Variants in REPS1 observed in about 807,000 individuals in gnomAD.
The protein encoded by REPS1 is ralBP1-associated Eps domain-containing protein 1.
A neutral mutation model predicts 100.9 loss-of-function variants in REPS1; 39 were observed. The observed-to-expected ratio is 0.39, with a 90% CI of 0.30 to 0.50. The LOEUF (loss-of-function observed/expected upper bound fraction) is 0.50. REPS1 is among the 20% of genes least tolerant of loss of function. The pLI is 0.86. For synonymous variants in REPS1, 324 were observed against 340.3 expected (o/e 0.95, Z 0.53); for missense variants, 821 against 968.5 (o/e 0.85, Z 2.02).
chr6:138,941,043 A>G (rs1782216110), intron 8 of REPS1, among the ~76,000 whole-genome samples: 1 of 152,216 alleles, frequency 6.6e-6, no homozygotes, highest in Non-Finnish European at 1.5e-5. Flanking sequence ...ATATATCACA[A>G]TTAAAGGATG....
At chr6:138,966,686 T>G (rs1784044256) in intron 1 of REPS1, among the ~76,000 whole-genome samples, 1 of 152,164 alleles carries the variant, frequency 6.6e-6, no homozygotes, top group Non-Finnish European at 1.5e-5. Context: ...TTATAACAGT[T>G]TTAGTATGTT....
chr6:138,940,544 A>G (rs1247872562), intron 8 of REPS1, among the ~76,000 whole-genome samples: 1 of 152,158 alleles, frequency 6.6e-6, no homozygotes, highest in Non-Finnish European at 1.5e-5. Context: ...CAAGAGATAG[A>G]GACCATCCTG....
intron 15 of REPS1, among the ~76,000 whole-genome samples, chr6:138,914,157 T>G (rs556062768): frequency 9.9e-4 from 151 of 152,158 alleles, no homozygotes; most frequent in African/African-American, 3.3e-3. Flanking sequence ...GCAGCCTTGA[T>G]CTCCCAGGCT....
At chr6:138,984,379 G>A (rs575571083) in intron 1 of REPS1, among the ~76,000 whole-genome samples, 4 of 152,128 alleles carry the variant, frequency 2.6e-5, no homozygotes, top group South Asian at 2.1e-4. Context: ...CACTGTGCCC[G>A]GCCCATATCT....
chr6:138,952,375 A>G (rs973215548), intron 1 of REPS1, among the ~76,000 whole-genome samples: 4 of 151,958 alleles, frequency 2.6e-5, no homozygotes, highest in Non-Finnish European at 5.9e-5. Context: ...AAACCAATAT[A>G]CAAAAATCAG....
intron 8 of REPS1, among the ~76,000 whole-genome samples, chr6:138,939,965 A>T (rs1258149236): frequency 1.3e-5 from 2 of 152,234 alleles, no homozygotes; most frequent in African/African-American, 4.8e-5. Context: ...ATAAAAGGTC[A>T]GTGTACAATT....
intron 2 of REPS1, among the ~76,000 whole-genome samples, chr6:138,946,356 G>C (rs1476018358): frequency 1.3e-5 from 2 of 152,160 alleles, no homozygotes; most frequent in Non-Finnish European, 2.9e-5. Context: ...AAATAGAGGA[G>C]AAAGATGAAG....
At chr6:138,909,059 A>T in intron 17 of REPS1, 1 of 470,792 alleles carries the variant, frequency 2.1e-6, no homozygotes, top group Non-Finnish European at 3.8e-6. Flanking sequence ...CAACATACTG[A>T]TGCAAGACTG....
rs111897871 is a variant in REPS1, at chr6:138,917,860, C to T, written c.1529-233G>A. ...TATAGTCTAGAAAAAATAATGAATA[C>T]TTAATGATGCAGAAATATTCAAAAT... On this transcript the variant is annotated intron_variant, in intron 12 of 19. Transcript: ENST00000450536. 3.1e-3 allele frequency among the ~76,000 whole-genome samples: 465 copies of T among 152,230 alleles called. 2 individuals carry two copies. Among genetic ancestry groups the T allele is most frequent in the African/African-American group, 0.011 (439 of 41,550 alleles).
At chr6:138,914,815 T>G in intron 14 of REPS1, 54 bp from the exon 15 acceptor site, 1 of 1,390,894 alleles carries the variant, frequency 7.2e-7, no homozygotes, top group Non-Finnish European at 1.0e-6. Context: ...ACTTTGTTAA[T>G]AGAAGAAATA....
chr6:138,950,243 G>C (rs1273748295), intron 1 of REPS1, among the ~76,000 whole-genome samples: 2 of 152,154 alleles, frequency 1.3e-5, no homozygotes, highest in African/African-American at 2.4e-5. Context: ...GGAGGCCAAG[G>C]TAGGAGGACT....
At chr6:138,949,034 G>C (rs1291723431) in intron 1 of REPS1, among the ~76,000 whole-genome samples, 1 of 152,198 alleles carries the variant, frequency 6.6e-6, no homozygotes, top group Non-Finnish European at 1.5e-5. Context: ...ACACCATCAA[G>C]GGAACTATGA....
intron 12 of REPS1, among the ~76,000 whole-genome samples, chr6:138,919,803 T>C (rs961864436): frequency 6.6e-6 from 1 of 152,234 alleles, no homozygotes; most frequent in African/African-American, 2.4e-5. Context: ...TAAGAGTTAT[T>C]TTTTATCTCC....
Position 138,945,215 on chromosome 6 carries a change from A to C in REPS1, c.628+4T>G. On this transcript the variant is annotated splice_donor_region_variant and intron_variant, in intron 4 of 19. Transcript: ENST00000450536. ...GACACTCTAATCAATCAATCTCTAA[A>C]TACCTGATTGTGCTTCACCAAAGGG... The C allele has an allele frequency of 6.2e-7, 1 of 1,601,942 alleles. No individual in the cohort carries two copies. The highest frequency in any genetic ancestry group is 8.5e-7 in the Non-Finnish European group (1 of 1,175,256).
At chr6:138,969,688 C>T (rs942871198) in intron 1 of REPS1, among the ~76,000 whole-genome samples, 1 of 151,964 alleles carries the variant, frequency 6.6e-6, no homozygotes, top group Non-Finnish European at 1.5e-5. Flanking sequence ...GCACATGCAG[C>T]CTCTCTGTAG....
At chr6:138,973,867 T>G (rs996567030) in intron 1 of REPS1, among the ~76,000 whole-genome samples, 25 of 152,044 alleles carry the variant, frequency 1.6e-4, no homozygotes, top group African/African-American at 5.8e-4. Flanking sequence ...TATATTAAGG[T>G]TAGAGATAAG....
intron 9 of REPS1, 73 bp from the exon 10 acceptor site, chr6:138,926,554 C>T: frequency 9.7e-7 from 1 of 1,029,712 alleles, no homozygotes; most frequent in East Asian, 2.5e-5. Flanking sequence ...GAAGATTTAG[C>T]AAAGTAATTC....
rs541876019 is a variant in REPS1, at chr6:138,963,802, T to G, written c.154-15889A>C. The stretch of plus-strand genomic sequence containing the variant: ...GTTTAGCTTCGGGTACATACTAATC[T>G]CTAATATTTTCTTTCCTTACAAAAA... On this transcript the variant is annotated intron_variant, in intron 1 of 19. Coordinates refer to ENST00000450536, the MANE Select transcript of REPS1 (RefSeq NM_001286611.2). 2.6e-5 allele frequency among the ~76,000 whole-genome samples: 4 copies of G among 152,304 alleles called. No individual in the cohort carries two copies. In the East Asian group the frequency reaches 7.7e-4, roughly 29 times the overall value.
At chr6:138,923,226 G>A (rs1194688473) in intron 10 of REPS1, among the ~76,000 whole-genome samples, 1 of 151,980 alleles carries the variant, frequency 6.6e-6, no homozygotes, top group Non-Finnish European at 1.5e-5. Context: ...CATGGCTTTA[G>A]GAGCAACTCT....
Sources: allele counts gnomAD v4.1 joint callset (sites outside exome capture counted in the v4.1 genomes callset), GRCh38; gene constraint gnomAD v4.1.1; transcripts MANE v1.5; gene names NCBI Gene and HGNC (gene_info 2026-07-23, HGNC 2026-07-21).